Variants in PSMD1 observed in about 807,000 individuals in gnomAD.
PSMD1 encodes the protein proteasome 26S subunit, non-ATPase 1.
A neutral mutation model predicts 119.0 loss-of-function variants in PSMD1; 18 were observed. The ratio of observed to expected loss-of-function variants is 0.15; its 90% CI spans 0.10 to 0.22. The LOEUF (loss-of-function observed/expected upper bound fraction) is 0.22, where lower values mean the gene tolerates loss of function less well. Among genes scored for constraint, PSMD1 ranks in the 10% least tolerant of loss-of-function variants. The probability of loss-of-function intolerance (pLI) is 1.00; values close to 1 mark genes in which losing one functional copy is unlikely to be tolerated. For synonymous variants in PSMD1, 374 were observed against 396.6 expected (o/e 0.94, Z 0.68); for missense variants, 702 against 1,158.5 (o/e 0.61, Z 5.72).
At position 231,079,649 on chromosome 2, in the gene PSMD1, A is replaced by G. The variant is rs749306196; in HGVS notation, c.1239+35A>G. Reference sequence around the variant, plus strand: ...ATTGGTCAGTGTATACAGGCATCAGAAAAGAAGTAATTTTTCTGGGGTTAA... The same window carrying G: ...ATTGGTCAGTGTATACAGGCATCAGGAAAGAAGTAATTTTTCTGGGGTTAA... On this transcript the variant is annotated intron_variant, in intron 11 of 24. Coordinates refer to ENST00000308696, the MANE Select transcript of PSMD1 (RefSeq NM_002807.4). The G allele has an allele frequency of 2.2e-5, 30 of 1,349,984 alleles. No individual in the cohort carries two copies. In the African/African-American group the frequency reaches 3.8e-4, roughly 17 times the overall value. The allele number at this position is 1,349,984 out of a possible 1,614,324, so 83.6% of individuals were successfully genotyped here. A position where few individuals can be genotyped will look rare whatever the true frequency, so the allele number is the denominator to read the frequency against.
intron 12 of PSMD1, among the ~76,000 whole-genome samples, chr2:231,081,797 A>G (rs942955669): frequency 2.6e-5 from 4 of 152,090 alleles, no homozygotes; most frequent in Non-Finnish European, 5.9e-5. Context: ...AGGTACTCTG[A>G]CCTCATTTTC....
At chr2:231,131,965 T>C (rs1695865471) in intron 16 of PSMD1, among the ~76,000 whole-genome samples, 1 of 152,206 alleles carries the variant, frequency 6.6e-6, no homozygotes, top group African/African-American at 2.4e-5. Context: ...GTTGGAACTG[T>C]TGTTAGATTG....
intron 16 of PSMD1, chr2:231,123,410 T>TA: frequency 6.2e-7 from 1 of 1,607,904 alleles, no homozygotes; most frequent in Non-Finnish European, 8.5e-7. Context: ...GTGAAATACT[T>TA]ACCAAACATT....
chr2:231,166,163 T>A (rs1349106106), intron 23 of PSMD1, 146 bp downstream of exon 23: 1 of 942,570 alleles, frequency 1.1e-6, no homozygotes, highest in Non-Finnish European at 1.5e-6. Context: ...GAGAGAATGT[T>A]CTTTTCCATT....
At chr2:231,083,487 A>G in intron 13 of PSMD1, 80 bp from the exon 14 acceptor site, 1 of 1,453,658 alleles carries the variant, frequency 6.9e-7, no homozygotes, top group South Asian at 1.2e-5. Flanking sequence ...TTTATGCAAA[A>G]AGAGTGCTAC....
chr2:231,114,056 A>G (rs1695250966), intron 16 of PSMD1: 5 of 737,948 alleles, frequency 6.8e-6, no homozygotes. Context: ...CTTTAACAAC[A>G]TAATGTTTAA....
At chr2:231,130,481 T>G (rs770706146) in intron 16 of PSMD1, among the ~76,000 whole-genome samples, 15 of 152,208 alleles carry the variant, frequency 9.9e-5, no homozygotes, top group Non-Finnish European at 1.5e-4. Flanking sequence ...TGTTTTGTTT[T>G]GTTTTTTGAG....
At chr2:231,057,173 C>T (rs991292016) in intron 1 of PSMD1, 132 bp downstream of exon 1, 6 of 1,139,058 alleles carry the variant, frequency 5.3e-6, no homozygotes, top group Non-Finnish European at 5.9e-6. Flanking sequence ...GCCCAGGGCC[C>T]ACCCCCGGGC....
Position 231,062,691 on chromosome 2 carries a change from C to T in PSMD1, c.304+16C>T, listed in dbSNP as rs1363776918. 2.6e-6 allele frequency: 4 copies of T among 1,558,364 alleles called. No individual in the cohort carries two copies. The South Asian group carries it at 4.9e-5, about 19-fold the overall frequency. ...ACTATTATAGGTAATTATCGTCTAT[C>T]TGGTAAGGCTTTATCTTGTCGGCTT... is the stretch of plus-strand genomic sequence containing the variant. On this transcript the variant is annotated intron_variant, in intron 4 of 24. Transcript: ENST00000308696.
chr2:231,150,953 C>G (rs1696365013), intron 18 of PSMD1, among the ~76,000 whole-genome samples: 1 of 152,124 alleles, frequency 6.6e-6, no homozygotes, highest in African/African-American at 2.4e-5. Context: ...TCCCTGATAT[C>G]TAAGAGTGGG....
chr2:231,163,163 G>A (rs1696681017), intron 20 of PSMD1: 1 of 152,496 alleles, frequency 6.6e-6, no homozygotes. Flanking sequence ...TGGTCACTAG[G>A]TAATGTGAAG....
At chr2:231,079,685 C>G in intron 11 of PSMD1, 71 bp downstream of exon 11, 1 of 985,950 alleles carries the variant, frequency 1.0e-6, no homozygotes, top group Non-Finnish European at 1.5e-6. Context: ...GAAAAAATAA[C>G]AGTTTATTAT....
intron 21 of PSMD1, 176 bp from the exon 22 acceptor site, chr2:231,165,024 T>TTATTTATA (rs1696726859): frequency 7.2e-6 from 1 of 138,716 alleles, no homozygotes; most frequent in African/African-American, 3.2e-5. Flanking sequence ...ATTCTTTGAT[T>TTATTTATA]TATATATATT....
chr2:231,162,541 C>A (rs1223305444), intron 20 of PSMD1, among the ~76,000 whole-genome samples: 2 of 152,136 alleles, frequency 1.3e-5, no homozygotes, highest in Non-Finnish European at 2.9e-5. Context: ...CTATTTTATT[C>A]TCTGCCAAAC....
At chr2:231,109,499 A>G in intron 16 of PSMD1, 2 of 1,138,936 alleles carry the variant, frequency 1.8e-6, no homozygotes, top group Admixed American at 3.7e-5. Context: ...TTATAACTTT[A>G]TGCTTGTTGG....
At chr2:231,142,298 G>A (rs1168558378) in intron 17 of PSMD1, among the ~76,000 whole-genome samples, 1 of 152,202 alleles carries the variant, frequency 6.6e-6, no homozygotes, top group Non-Finnish European at 1.5e-5. Flanking sequence ...ATCGAATGTA[G>A]TTATAGAAAT....
intron 13 of PSMD1, 75 bp downstream of exon 13, chr2:231,083,069 T>C (rs967806819): frequency 7.4e-5 from 82 of 1,114,478 alleles, no homozygotes; most frequent in Admixed American, 2.4e-5. Flanking sequence ...TTTCTACCTA[T>C]ATTTTGTAGC....
rs1165938068 is a variant in PSMD1 at position 231,109,064 on chromosome 2, G to A, written c.1883+21883G>A. The A allele has an allele frequency of 5.0e-6, 8 of 1,614,098 alleles. No homozygotes were observed. The Admixed American group carries it at 8.3e-5, about 17-fold the overall frequency. ...AATTGTGGATGTTCTTCGCATAAGT[G>A]TTTCATCACCTGAGTTGGGCAGAGC... is the stretch of plus-strand genomic sequence containing the variant. On this transcript the variant is annotated intron_variant, in intron 16 of 24. Coordinates refer to ENST00000308696, the MANE Select transcript of PSMD1 (RefSeq NM_002807.4).
chr2:231,105,734 A>T (rs1006012740), intron 16 of PSMD1, among the ~76,000 whole-genome samples: 2 of 152,212 alleles, frequency 1.3e-5, no homozygotes, highest in African/African-American at 4.8e-5. Context: ...CTTGAATATA[A>T]AAATGTTACA....
Sources: allele counts gnomAD v4.1 joint callset (sites outside exome capture counted in the v4.1 genomes callset), GRCh38; gene constraint gnomAD v4.1.1; transcripts MANE v1.5; gene names NCBI Gene and HGNC (gene_info 2026-07-23, HGNC 2026-07-21).